NRXN3: variants seen among roughly 807,000 people sequenced by gnomAD.
The protein encoded by NRXN3 is neurexin 3.
NRXN3 carries 32 observed loss-of-function variants against 137.6 expected under a neutral mutation model. The observed-to-expected ratio is 0.23, with a 90% confidence interval of 0.18 to 0.31. NRXN3 has a LOEUF of 0.31. Ranked by LOEUF, NRXN3 falls within the 10% of genes least tolerant of loss-of-function variation. NRXN3 has a pLI of 1.00. For synonymous variants in NRXN3, 798 were observed against 784.5 expected (o/e 1.02, Z -0.29); for missense variants, 1,574 against 2,062.5 (o/e 0.76, Z 4.59).
intron 20 of NRXN3, among the ~76,000 whole-genome samples, chr14:79,856,153 T>C (rs7147960): frequency 0.12 from 18,794 of 152,154 alleles, 1,275 homozygotes; most frequent in Middle Eastern, 0.18. Context: ...GAGAATGCCC[T>C]ACCTAGAAAT....
intron 15 of NRXN3, among the ~76,000 whole-genome samples, chr14:79,043,985 C>A (rs1312199848): frequency 6.6e-6 from 1 of 152,048 alleles, no homozygotes; most frequent in Non-Finnish European, 1.5e-5. Context: ...TGAGGATGAC[C>A]CACTAGATAT....
rs199669315 is a variant in NRXN3, at chr14:78,911,850, T to C, written c.2276-45392T>C. Among the ~76,000 whole-genome samples, 17 of 152,118 alleles carry C rather than the reference T, an allele frequency of 1.1e-4. 1 individual carries two copies. The East Asian group carries it at 2.5e-3, about 23-fold the overall frequency. On this transcript the variant is annotated intron_variant, in intron 10 of 20. Coordinates refer to ENST00000335750, the MANE Select transcript of NRXN3 (RefSeq NM_001330195.2). ...ATGGTCTGAGAGAGAGATAAATATT[T>C]AGGCCTTAAGGAACCACACACAGTT...
chr14:79,411,688 C>G (rs143227859), intron 15 of NRXN3, among the ~76,000 whole-genome samples: 12 of 152,262 alleles, frequency 7.9e-5, no homozygotes, highest in African/African-American at 2.2e-4. Flanking sequence ...GAATCCAGAA[C>G]AATTGGTGTA....
In NRXN3 at chr14:79,172,189, A is replaced by AG. The variant is rs925357246; in HGVS notation, c.3262+184051dup. Among the ~76,000 whole-genome samples, 15 of 85,206 alleles carry AG rather than the reference A, an allele frequency of 1.8e-4. No homozygotes were observed. The East Asian group carries it at 3.2e-3, about 18-fold the overall frequency. 55.9% of individuals were successfully genotyped at this position (85,206 alleles called of 152,430 possible). On this transcript the variant is annotated intron_variant, in intron 15 of 20. Coordinates refer to ENST00000335750, the MANE Select transcript of NRXN3 (RefSeq NM_001330195.2). ...TGCTATAAAGAAACAATAACTTGCT[A>AG]GGGAAAAAAAAAACAATTAACTGTG...
intron 6 of NRXN3, among the ~76,000 whole-genome samples, chr14:78,682,728 G>A (rs2098088403): frequency 6.6e-6 from 1 of 152,028 alleles, no homozygotes; most frequent in African/African-American, 2.4e-5. Flanking sequence ...AATTGGGGTG[G>A]GGCTTGTTGG....
At chr14:79,285,972 A>G (rs2082182313) in intron 15 of NRXN3, among the ~76,000 whole-genome samples, 1 of 151,488 alleles carries the variant, frequency 6.6e-6, no homozygotes, top group African/African-American at 2.4e-5. Context: ...AACTTCAGTG[A>G]CAATGGTTGC....
intron 14 of NRXN3, among the ~76,000 whole-genome samples, chr14:78,977,657 A>G (rs1197994056): frequency 6.6e-6 from 1 of 152,160 alleles, no homozygotes; most frequent in African/African-American, 2.4e-5. Context: ...ACCTGCAGCA[A>G]GTATCAACTC....
At chr14:79,236,963 C>T (rs887160456) in intron 15 of NRXN3, among the ~76,000 whole-genome samples, 1 of 151,912 alleles carries the variant, frequency 6.6e-6, no homozygotes, top group African/African-American at 2.4e-5. Flanking sequence ...TATAAAATGA[C>T]ATGAATTAAG....
chr14:79,121,017 C>A (rs1018556975), intron 15 of NRXN3, among the ~76,000 whole-genome samples: 1 of 152,104 alleles, frequency 6.6e-6, no homozygotes, highest in Non-Finnish European at 1.5e-5. Flanking sequence ...CTATTCATGA[C>A]CACTCTACTC....
chr14:78,260,873 C>A (rs944433373), intron 2 of NRXN3, among the ~76,000 whole-genome samples: 3 of 152,136 alleles, frequency 2.0e-5, no homozygotes, highest in Non-Finnish European at 4.4e-5. Flanking sequence ...ATGATTTATT[C>A]CTTCTTATTT....
chr14:79,529,770 T>A (rs1601696041), intron 16 of NRXN3, among the ~76,000 whole-genome samples: 1 of 152,302 alleles, frequency 6.6e-6, no homozygotes, highest in East Asian at 1.9e-4. Flanking sequence ...AGAGAGAGAA[T>A]TTTGATGGAT....
At chr14:79,269,112 C>A (rs1230855694) in intron 15 of NRXN3, among the ~76,000 whole-genome samples, 1 of 151,866 alleles carries the variant, frequency 6.6e-6, no homozygotes, top group East Asian at 1.9e-4. Context: ...TGCAGTGGCA[C>A]AATCTCGGCT....
At chr14:78,380,190 C>T (rs767406309) in intron 4 of NRXN3, among the ~76,000 whole-genome samples, 68 of 151,414 alleles carry the variant, frequency 4.5e-4, no homozygotes, top group Admixed American at 1.8e-3. Context: ...AATTGATATC[C>T]AGGTTGTAAT....
At position 78,271,451 on chromosome 14, in the gene NRXN3, C is replaced by T. The variant is rs116560950; in HGVS notation, c.710-7194C>T. Among the ~76,000 whole-genome samples the T allele has an allele frequency of 7.8e-3, 1,167 of 148,756 alleles. 12 individuals are homozygous for T. Among genetic ancestry groups the T allele is most frequent in the African/African-American group, 0.028 (1,122 of 39,858 alleles). ...AACCCAGGCTACCTTACTCCCATGCCTGTTCTCAAAACTTCTAAAGCATTT... is the reference window on the plus strand; with the variant it reads ...AACCCAGGCTACCTTACTCCCATGCTTGTTCTCAAAACTTCTAAAGCATTT... On this transcript the variant is annotated intron_variant, in intron 2 of 20. Transcript: ENST00000335750.
chr14:78,696,376 C>T (rs2098226149), intron 6 of NRXN3, among the ~76,000 whole-genome samples: 1 of 151,926 alleles, frequency 6.6e-6, no homozygotes, highest in African/African-American at 2.4e-5. Context: ...TGCAAGGTGC[C>T]AGGAGATATT....
chr14:79,193,029 A>G (rs1246022351), intron 15 of NRXN3, among the ~76,000 whole-genome samples: 1 of 151,954 alleles, frequency 6.6e-6, no homozygotes, highest in African/African-American at 2.4e-5. Flanking sequence ...TCGGCCTCCC[A>G]AAGTGCTGGG....
intron 16 of NRXN3, among the ~76,000 whole-genome samples, chr14:79,482,631 C>A (rs1296302882): frequency 6.6e-6 from 1 of 152,100 alleles, no homozygotes; most frequent in Non-Finnish European, 1.5e-5. Flanking sequence ...CATCCATCTA[C>A]ATTTCACAGA....
chr14:78,388,343 T>C (rs2090281183), intron 4 of NRXN3, among the ~76,000 whole-genome samples: 1 of 152,160 alleles, frequency 6.6e-6, no homozygotes, highest in African/African-American at 2.4e-5. Context: ...AGCCATTGTC[T>C]TAGTCATGAG....
intron 2 of NRXN3, among the ~76,000 whole-genome samples, chr14:78,274,789 C>G (rs1235146626): frequency 1.3e-5 from 2 of 152,114 alleles, no homozygotes; most frequent in Non-Finnish European, 2.9e-5. Context: ...TCTTTCTTTC[C>G]TGTTTTGTTC....
Sources: allele counts gnomAD v4.1 joint callset (sites outside exome capture counted in the v4.1 genomes callset), GRCh38; gene constraint gnomAD v4.1.1; transcripts MANE v1.5; gene names NCBI Gene and HGNC (gene_info 2026-07-23, HGNC 2026-07-21).